Variants in FANCM observed in about 807,000 individuals in gnomAD.
The protein encoded by FANCM is Fanconi anemia group M protein.
In FANCM, 140 loss-of-function variants were observed where a neutral mutation model predicts 199.5. The ratio of observed to expected loss-of-function variants is 0.70; its 90% CI spans 0.61 to 0.81. The LOEUF is 0.81. FANCM is among the 30% of genes least tolerant of loss of function. The pLI is 0.00. For synonymous variants in FANCM, 840 were observed against 836.8 expected (o/e 1.00, Z -0.07); for missense variants, 2,410 against 2,421.4 (o/e 1.00, Z 0.10).
At position 45,155,353 on chromosome 14, in the gene FANCM, A is replaced by T. The variant is rs1401211959; in HGVS notation, c.1310-20A>T. ...TGGAAAAAAACAGAAAAAAATTTTGATATTTTTGTTTTGTTCCAGGAGATA... is the reference window on the plus strand; with the variant it reads ...TGGAAAAAAACAGAAAAAAATTTTGTTATTTTTGTTTTGTTCCAGGAGATA... On this transcript the variant is annotated intron_variant, in intron 7 of 22. Transcript: ENST00000267430. 1 of 1,072,814 alleles carries T rather than the reference A, an allele frequency of 9.3e-7. No homozygotes were observed. The highest frequency in any genetic ancestry group is 1.4e-6 in the Non-Finnish European group (1 of 696,064). 66.5% of individuals were successfully genotyped at this position (1,072,814 alleles called of 1,614,324 possible).
Position 45,175,988 on chromosome 14 carries a change from AAGTC to A in FANCM, c.3235_3238del (p.Leu1080ValfsTer14). 1.9e-6 allele frequency: 3 copies of A among 1,613,828 alleles called. No homozygotes were observed. Among genetic ancestry groups the A allele is most frequent in the Non-Finnish European group, 2.5e-6 (3 of 1,179,754 alleles). ...CTAATGATAATATTTCTGATGAGCCAAGTCTCTGTGACTGTGATGTACATAAACA... is the reference window on the plus strand; with the variant it reads ...CTAATGATAATATTTCTGATGAGCCATCTGTGACTGTGATGTACATAAACA... On this transcript the variant is annotated frameshift_variant, in exon 14 of 23. Coordinates refer to ENST00000267430, the MANE Select transcript of FANCM (RefSeq NM_020937.4). LOFTEE classifies it high-confidence loss of function.
intron 11 of FANCM, among the ~76,000 whole-genome samples, chr14:45,168,811 A>G (rs1336494188): frequency 2.0e-5 from 3 of 148,136 alleles, no homozygotes; most frequent in Non-Finnish European, 4.5e-5. Flanking sequence ...TATAGTATAT[A>G]TTATATACTA....
At chr14:45,146,912 A>G (rs1051725026) in intron 3 of FANCM, among the ~76,000 whole-genome samples, 2 of 145,488 alleles carry the variant, frequency 1.4e-5, no homozygotes, top group Admixed American at 1.4e-4. Flanking sequence ...AGTGTTCCTT[A>G]TTTTGTTATT....
In FANCM at chr14:45,136,124, A is replaced by G. The variant is rs112641528; in HGVS notation, c.93A>G (p.Arg31=). 89 of 1,614,094 alleles carry G rather than the reference A, an allele frequency of 5.5e-5. 4 individuals are homozygous for G. Among genetic ancestry groups the G allele is most frequent in the African/African-American group, 5.5e-4 (41 of 75,022 alleles). The change falls in exon 1 of 23, where the codon CGA becomes CGG. Residue 31 remains arginine, a synonymous_variant. Coordinates refer to ENST00000267430, the MANE Select transcript of FANCM (RefSeq NM_020937.4). ...GTPGCSSGTE[R]PQSPGSSKAP... ...CGGGTTGCAGCTCCGGAACTGAGCGACCTCAGAGCCCTGGCAGCTCCAAGG... is the reference window on the plus strand; with the variant it reads ...CGGGTTGCAGCTCCGGAACTGAGCGGCCTCAGAGCCCTGGCAGCTCCAAGG...
intron 14 of FANCM, among the ~76,000 whole-genome samples, chr14:45,178,627 A>G (rs961218501): frequency 7.9e-5 from 12 of 152,240 alleles, no homozygotes; most frequent in Non-Finnish European, 1.5e-4. Context: ...CGAGTCCTGC[A>G]TTTAACTTTG....
chr14:45,176,788 A>G lies in FANCM; in HGVS notation c.4034A>G (p.Asn1345Ser). 1 of 1,607,982 alleles carries G rather than the reference A, an allele frequency of 6.2e-7. No individual in the cohort carries two copies. Among genetic ancestry groups the G allele is most frequent in the Non-Finnish European group, 8.5e-7 (1 of 1,177,160 alleles). ...ATGAGTACACCACTCTCTAAATCAA[A>G]CACATTGAACTCATTTTCTAAGATA... is the stretch of plus-strand genomic sequence containing the variant. ...KVMSTPLSKS[N>S]TLNSFSKIRK... is the part of the protein sequence containing the mutation. The change falls in exon 14 of 23, where the codon AAC (asparagine) becomes AGC (serine). Residue 1345 changes from asparagine to serine, a missense_variant. By Grantham distance (46) the Asn-to-Ser change is conservative (BLOSUM62 1). Coordinates refer to ENST00000267430, the MANE Select transcript of FANCM (RefSeq NM_020937.4).
At chr14:45,142,088 T>A (rs1050999139) in intron 3 of FANCM, among the ~76,000 whole-genome samples, 19 of 152,226 alleles carry the variant, frequency 1.2e-4, no homozygotes, top group African/African-American at 4.6e-4. Flanking sequence ...TTTGGTCCTC[T>A]CCCGTCTTCC....
chr14:45,184,257 A>G (rs1594809046), intron 17 of FANCM, among the ~76,000 whole-genome samples: 1 of 152,332 alleles, frequency 6.6e-6, no homozygotes, highest in East Asian at 1.9e-4. Context: ...TCCAATTTTC[A>G]AATACTTGGA....
chr14:45,173,374 TTTAA>T (rs1888465991), intron 13 of FANCM, among the ~76,000 whole-genome samples, 164 bp downstream of exon 13: 1 of 152,174 alleles, frequency 6.6e-6, no homozygotes, highest in Non-Finnish European at 1.5e-5. Flanking sequence ...AAGAAATAGA[TTTAA>T]TTAATTAGAA....
chr14:45,167,212 T>C, intron 11 of FANCM, 49 bp downstream of exon 11: 1 of 1,013,856 alleles, frequency 9.9e-7, no homozygotes, highest in Non-Finnish European at 1.6e-6. Flanking sequence ...TGTTCTTACT[T>C]AGCAGGTCGT....
chr14:45,179,656 G>T (rs1888942488), intron 14 of FANCM, among the ~76,000 whole-genome samples: 2 of 150,538 alleles, frequency 1.3e-5, no homozygotes, highest in South Asian at 4.2e-4. Context: ...CTGCCTCCCA[G>T]GTTCAAGCGA....
intron 13 of FANCM, 107 bp downstream of exon 13, chr14:45,173,317 A>G (rs1159168492): frequency 9.9e-7 from 1 of 1,007,608 alleles, no homozygotes; most frequent in Non-Finnish European, 1.6e-6. Context: ...GTTTTTCTGT[A>G]TAGTTCCTTG....
At chr14:45,144,457 A>G (rs965511649) in intron 3 of FANCM, among the ~76,000 whole-genome samples, 1 of 152,174 alleles carries the variant, frequency 6.6e-6, no homozygotes. Context: ...GCCCCGGGCA[A>G]GTCCAGAGAT....
chr14:45,177,477 C>T (rs1477541309), intron 14 of FANCM, among the ~76,000 whole-genome samples: 5 of 152,040 alleles, frequency 3.3e-5, no homozygotes, highest in African/African-American at 7.2e-5. Context: ...CTGCAACCTC[C>T]GCCTCCCAGG....
chr14:45,156,837 G>A (rs1232992235), intron 8 of FANCM, among the ~76,000 whole-genome samples: 3 of 146,430 alleles, frequency 2.0e-5, no homozygotes, highest in African/African-American at 7.7e-5. Context: ...AGAATCTCTT[G>A]AACCTGGGAG....
At position 45,174,822 on chromosome 14, in the gene FANCM, A is replaced by G. The variant is rs183305170; in HGVS notation, c.2317-249A>G. Among the ~76,000 whole-genome samples, 18 of 152,310 alleles carry G rather than the reference A, an allele frequency of 1.2e-4. 1 individual carries two copies. The highest frequency in any genetic ancestry group is 3.8e-4 in the African/African-American group (16 of 41,582). On this transcript the variant is annotated intron_variant, in intron 13 of 22. Transcript: ENST00000267430. ...CAATTTGTTCTTCCTACAAATAGTT[A>G]CCAAGGGTCTTTTGGGTATTAAGTA...
chr14:45,141,678 C>T (rs1885973256), intron 3 of FANCM, among the ~76,000 whole-genome samples: 1 of 151,408 alleles, frequency 6.6e-6, no homozygotes, highest in South Asian at 2.1e-4. Flanking sequence ...CAACCTCCGC[C>T]TCCTGGATTC....
rs1888685353 is a variant in FANCM at position 45,176,242 on chromosome 14, A to G, written c.3488A>G (p.Asp1163Gly). Reference sequence around the variant, plus strand: ...AAAAGCGAATCTTTACCTGTGTCAGACAAAACTGCTATTAGTGAAACGCCT... The same window carrying G: ...AAAAGCGAATCTTTACCTGTGTCAGGCAAAACTGCTATTAGTGAAACGCCT... ...NSKSESLPVS[D>G]KTAISETPLV... The change falls in exon 14 of 23, where the codon GAC becomes GGC. Residue 1163 changes from aspartate (D) to glycine (G), a missense_variant. By Grantham distance (94) the Asp-to-Gly change is moderately conservative. Coordinates refer to ENST00000267430, the MANE Select transcript of FANCM (RefSeq NM_020937.4). 6.2e-7 allele frequency: 1 copy of G among 1,614,128 alleles called. No individual in the cohort carries two copies. Among genetic ancestry groups the G allele is most frequent in the Non-Finnish European group, 8.5e-7 (1 of 1,179,976 alleles).
At chr14:45,158,787 G>A (rs1182894089) in intron 8 of FANCM, among the ~76,000 whole-genome samples, 1 of 152,024 alleles carries the variant, frequency 6.6e-6, no homozygotes, top group African/African-American at 2.4e-5. Context: ...AATTAATAGA[G>A]AATATAGTTT....
Sources: gnomAD v4.1 joint callset for allele counts (sites outside exome capture counted in the v4.1 genomes callset) on GRCh38, gnomAD v4.1.1 for gene constraint, MANE v1.5 for transcripts, NCBI Gene and HGNC (gene_info 2026-07-23, HGNC 2026-07-21) for gene names.